Variants in DOCK3 observed in about 807,000 individuals in gnomAD.
DOCK3 encodes the protein dedicator of cytokinesis protein 3.
DOCK3 carries 60 observed loss-of-function variants against 265.6 expected under a neutral mutation model. That is an observed-to-expected ratio of 0.23 (90% CI 0.18 to 0.28). The LOEUF is 0.28. DOCK3 is among the 10% of genes least tolerant of loss of function. The probability of loss-of-function intolerance (pLI) is 1.00; values close to 1 mark genes in which losing one functional copy is unlikely to be tolerated. For synonymous variants in DOCK3, 881 were observed against 938.0 expected, an observed-to-expected ratio of 0.94 and a Z score of 1.11; for missense variants, 1,981 against 2,594.3, an observed-to-expected ratio of 0.76 and a Z score of 5.14.
chr3:51,249,607 T>A, intron 22 of DOCK3, among the ~76,000 whole-genome samples: 1 of 95,434 alleles, frequency 1.0e-5, no homozygotes, highest in Non-Finnish European at 2.2e-5. Flanking sequence ...GGTGGGGGGG[T>A]CAGCCCCCCG....
At chr3:51,158,946 C>T (rs1261592329) in intron 10 of DOCK3, among the ~76,000 whole-genome samples, 1 of 152,104 alleles carries the variant, frequency 6.6e-6, no homozygotes, top group Admixed American at 6.5e-5. Context: ...TTAGAGTAAA[C>T]ATGGAATAAG....
intron 2 of DOCK3, among the ~76,000 whole-genome samples, chr3:50,794,694 T>C (rs748191253): frequency 2.0e-5 from 3 of 152,232 alleles, no homozygotes; most frequent in Non-Finnish European, 4.4e-5. Context: ...CTTGCTACTC[T>C]GCACCTTTTA....
intron 2 of DOCK3, among the ~76,000 whole-genome samples, chr3:50,797,463 T>G (rs982996029): frequency 6.6e-6 from 1 of 152,224 alleles, no homozygotes; most frequent in African/African-American, 2.4e-5. Context: ...TGGTTGGTCA[T>G]CTTGTCCTCT....
In DOCK3 at chr3:50,985,086, A is replaced by G. The variant is rs534603324; in HGVS notation, c.315+51009A>G. 8.5e-5 allele frequency among the ~76,000 whole-genome samples: 13 copies of G among 152,368 alleles called. No individual in the cohort carries two copies. The South Asian group carries it at 1.2e-3, about 15-fold the overall frequency. On this transcript the variant is annotated intron_variant, in intron 5 of 52. Transcript: ENST00000266037. ...ACACATATGTATAAGTCTTAAATAC[A>G]TAAAAATAGAACCACATTATATGTA...
intron 4 of DOCK3, among the ~76,000 whole-genome samples, chr3:50,923,268 C>G (rs1440066299): frequency 2.0e-5 from 3 of 152,084 alleles, no homozygotes; most frequent in Non-Finnish European, 4.4e-5. Context: ...GACTTCTTTT[C>G]CTCTGCATAG....
In DOCK3 at chr3:50,948,057, T is replaced by TATC. The variant is rs1559850726; in HGVS notation, c.315+13982_315+13983insCAT. ...TTATTATTATTATTATTATTATTAT[T>TATC]ATTATTATTATTATTTTGAGGCAGA... On this transcript the variant is annotated intron_variant, in intron 5 of 52. Coordinates refer to ENST00000266037, the MANE Select transcript of DOCK3 (RefSeq NM_004947.5). Among the ~76,000 whole-genome samples, 503 of 144,894 alleles carry TATC rather than the reference T, an allele frequency of 3.5e-3. 7 individuals carry two copies. Among genetic ancestry groups the TATC allele is most frequent in the African/African-American group, 0.011 (423 of 39,508 alleles).
At position 51,357,986 on chromosome 3, in the gene DOCK3, C is replaced by G; in HGVS notation, c.4793C>G (p.Ala1598Gly). 6.2e-7 allele frequency: 1 copy of G among 1,613,986 alleles called. No homozygotes were observed. The highest frequency in any genetic ancestry group is 8.5e-7 in the Non-Finnish European group (1 of 1,179,890). ...EQVHVLGVGL[A>G]VHEKFVHPEM... is the part of the protein sequence containing the mutation. ...GTTCATGTCCTTGGAGTTGGGCTAGCAGTTCATGAGAAGTTTGTGCACCCA... is the reference window on the plus strand; with the variant it reads ...GTTCATGTCCTTGGAGTTGGGCTAGGAGTTCATGAGAAGTTTGTGCACCCA... The change falls in exon 46 of 53, where the codon GCA becomes GGA. Residue 1598 changes from alanine to glycine, a missense_variant. This residue lies in a region of DOCK3 where 1,357 missense variants were observed against 1,866.8 expected (regional missense o/e 0.73). Transcript: ENST00000266037.
intron 10 of DOCK3, among the ~76,000 whole-genome samples, chr3:51,152,936 A>T (rs779718376): frequency 6.6e-6 from 1 of 152,212 alleles, no homozygotes; most frequent in Non-Finnish European, 1.5e-5. Context: ...GGTGTCTCCC[A>T]GTTAGGCTAC....
chr3:51,228,854 G>A (rs1009440206), intron 18 of DOCK3, 22 bp downstream of exon 18: 4 of 1,611,402 alleles, frequency 2.5e-6, no homozygotes, highest in Non-Finnish European at 3.4e-6. Flanking sequence ...TGCCTGCAGG[G>A]TGGTGCCCTC....
intron 5 of DOCK3, among the ~76,000 whole-genome samples, chr3:51,013,208 T>G (rs2079021117): frequency 6.6e-6 from 1 of 152,220 alleles, no homozygotes; most frequent in Admixed American, 6.5e-5. Flanking sequence ...GGAGCTGCGA[T>G]CCTTTGGAGG....
At chr3:50,750,487 G>A (rs1020603325) in intron 1 of DOCK3, among the ~76,000 whole-genome samples, 5 of 151,830 alleles carry the variant, frequency 3.3e-5, no homozygotes, top group African/African-American at 7.3e-5. Context: ...CTGCCACCAC[G>A]CCCAGCTAAT....
intron 1 of DOCK3, among the ~76,000 whole-genome samples, chr3:50,760,412 A>G (rs2040451998): frequency 6.6e-6 from 1 of 152,208 alleles, no homozygotes; most frequent in Non-Finnish European, 1.5e-5. Flanking sequence ...ACTATGGTGC[A>G]AAAGTGATGT....
chr3:51,142,716 C>G (rs905609524), intron 9 of DOCK3, among the ~76,000 whole-genome samples: 1 of 152,080 alleles, frequency 6.6e-6, no homozygotes, highest in Admixed American at 6.5e-5. Flanking sequence ...TAAATTTTTT[C>G]ATTTCTCCTG....
intron 22 of DOCK3, among the ~76,000 whole-genome samples, chr3:51,256,612 A>G (rs1323015286): frequency 3.1e-5 from 3 of 96,922 alleles, no homozygotes; most frequent in African/African-American, 1.2e-4. Flanking sequence ...TTTTTTTTTT[A>G]GATGGAGTCT....
intron 1 of DOCK3, among the ~76,000 whole-genome samples, chr3:50,689,434 A>C (rs6786291): frequency 1.7e-4 from 26 of 152,294 alleles, no homozygotes; most frequent in African/African-American, 6.3e-4. Context: ...GAGAAGTGCC[A>C]AGCAAAAGGG....
At chr3:51,209,245 C>G (rs2089383362) in intron 13 of DOCK3, among the ~76,000 whole-genome samples, 1 of 152,158 alleles carries the variant, frequency 6.6e-6, no homozygotes, top group Non-Finnish European at 1.5e-5. Flanking sequence ...ATATAGACAT[C>G]ACACACTTCT....
intron 52 of DOCK3, 112 bp downstream of exon 52, chr3:51,380,319 T>C (rs2088522555): frequency 8.8e-6 from 9 of 1,025,364 alleles, no homozygotes; most frequent in South Asian, 8.4e-5. Context: ...TTCACCTCTC[T>C]CCCCAGCCTG....
intron 5 of DOCK3, among the ~76,000 whole-genome samples, chr3:51,047,871 C>G (rs1036291652): frequency 7.2e-5 from 11 of 152,120 alleles, no homozygotes; most frequent in Non-Finnish European, 2.9e-5. Flanking sequence ...AGGAGCACTT[C>G]CAACTCATTT....
intron 1 of DOCK3, among the ~76,000 whole-genome samples, chr3:50,732,307 T>C (rs1320598413): frequency 6.6e-6 from 1 of 152,028 alleles, no homozygotes; most frequent in Non-Finnish European, 1.5e-5. Context: ...TAATGCATGC[T>C]GGACTTAATA....
Sources: gnomAD v4.1 joint callset for allele counts (sites outside exome capture counted in the v4.1 genomes callset) on GRCh38, gnomAD v4.1.1 for gene constraint, gnomAD v4.1.1 regional missense constraint, MANE v1.5 for transcripts, NCBI Gene and HGNC (gene_info 2026-07-23, HGNC 2026-07-21) for gene names.